TMEM50B: variants seen among roughly 807,000 people sequenced by gnomAD.
TMEM50B encodes the protein HCV p7-trans-regulated protein 3.
In TMEM50B, 14 loss-of-function variants were observed where a neutral mutation model predicts 23.4. The ratio of observed to expected loss-of-function variants is 0.60; its 90% confidence interval spans 0.39 to 0.93. The LOEUF is 0.93. Ranked by LOEUF, TMEM50B falls within the 40% of genes least tolerant of loss-of-function variation. The probability of loss-of-function intolerance (pLI) is 0.00; values close to 1 mark genes in which losing one functional copy is unlikely to be tolerated. For synonymous variants in TMEM50B, 64 were observed against 62.3 expected, an observed-to-expected ratio of 1.03 and a Z score of -0.13; for missense variants, 159 against 193.0, an observed-to-expected ratio of 0.82 and a Z score of 1.04.
downstream of TMEM50B, among the ~76,000 whole-genome samples, chr21:33,448,263 G>T (rs1261596211): frequency 2.0e-5 from 3 of 151,852 alleles, no homozygotes; most frequent in Non-Finnish European, 4.4e-5. Flanking sequence ...AAAGTGCTGG[G>T]ATTACAGGCG....
intron 7 of TMEM50B, among the ~76,000 whole-genome samples, chr21:33,442,656 C>G (rs559848740): frequency 1.3e-5 from 2 of 152,150 alleles, no homozygotes; most frequent in Non-Finnish European, 2.9e-5. Context: ...CGCGCTGGCT[C>G]ATGCCTGTAA....
chr21:33,436,508 C>T (rs778297834), intron 8 of TMEM50B, among the ~76,000 whole-genome samples: 1 of 151,992 alleles, frequency 6.6e-6, no homozygotes, highest in Non-Finnish European at 1.5e-5. Flanking sequence ...GGATCATTTG[C>T]GATCAGGAGT....
intron 1 of TMEM50B, among the ~76,000 whole-genome samples, chr21:33,470,392 T>C (rs1402910494): frequency 4.1e-5 from 5 of 121,338 alleles, no homozygotes; most frequent in African/African-American, 6.3e-5. Context: ...GCCACTGCAC[T>C]CTAGCCTGGG....
At chr21:33,477,962 C>G (rs917466558) in intron 1 of TMEM50B, among the ~76,000 whole-genome samples, 1 of 150,548 alleles carries the variant, frequency 6.6e-6, no homozygotes, top group Admixed American at 6.6e-5. Context: ...GGTGAAAACC[C>G]GTCTTTACTA....
chr21:33,466,220 C>T (rs1483469488), intron 3 of TMEM50B, among the ~76,000 whole-genome samples: 1 of 152,112 alleles, frequency 6.6e-6, no homozygotes, highest in Non-Finnish European at 1.5e-5. Context: ...AAGATCACAC[C>T]AGTGTGGTCC....
chr21:33,469,233 T>G (rs2084290852), intron 1 of TMEM50B, among the ~76,000 whole-genome samples: 1 of 152,090 alleles, frequency 6.6e-6, no homozygotes, highest in Non-Finnish European at 1.5e-5. Context: ...GCAGATCACT[T>G]GAGGCCAGGA....
intron 7 of TMEM50B, among the ~76,000 whole-genome samples, chr21:33,442,187 T>G (rs2084014347): frequency 6.6e-6 from 1 of 152,070 alleles, no homozygotes; most frequent in Non-Finnish European, 1.5e-5. Context: ...TGATGAGAAG[T>G]GAGACTCCAC....
chr21:33,436,860 G>T, intron 8 of TMEM50B: 1 of 1,614,060 alleles, frequency 6.2e-7, no homozygotes, highest in Non-Finnish European at 8.5e-7. Context: ...CCATCTTAGA[G>T]GCCTTGGACA....
At chr21:33,432,688 T>C in exon 9 of TMEM50B, 2 of 1,612,610 alleles carry the variant, frequency 1.2e-6, no homozygotes, top group South Asian at 1.1e-5. Flanking sequence ...AAGATCATTC[T>C]GTTCACTTTC....
intron 7 of TMEM50B, among the ~76,000 whole-genome samples, chr21:33,442,231 C>G (rs1478560170): frequency 6.6e-6 from 1 of 152,134 alleles, no homozygotes; most frequent in Non-Finnish European, 1.5e-5. Context: ...TCATGCCTCC[C>G]CACCCTTCAC....
intron 6 of TMEM50B, among the ~76,000 whole-genome samples, chr21:33,454,580 C>T (rs966306362): frequency 2.1e-4 from 32 of 152,260 alleles, no homozygotes; most frequent in African/African-American, 7.5e-4. Context: ...GGATTACAGA[C>T]ATGAGCCACC....
At position 33,440,907 on chromosome 21, in the gene TMEM50B, G is replaced by C. The variant is rs117455160; in HGVS notation, c.*2037-1610C>G. Among the ~76,000 whole-genome samples, 38 of 151,652 alleles carry C rather than the reference G, an allele frequency of 2.5e-4. No homozygotes were observed. The South Asian group carries it at 7.7e-3, about 31-fold the overall frequency. ...AAAAATAATAATAAAATAAAATAAC[G>C]TCTCTGTCCATAGTGTTTAAATCAC... On this transcript the variant is annotated intron_variant and NMD_transcript_variant, in intron 7 of 8. Coordinates refer to the TMEM50B transcript ENST00000420455.
chr21:33,463,301 A>G (rs1218916116), intron 4 of TMEM50B, among the ~76,000 whole-genome samples: 1 of 152,152 alleles, frequency 6.6e-6, no homozygotes, highest in Non-Finnish European at 1.5e-5. Context: ...CAAACAAAAT[A>G]AATACAAAAT....
intron 8 of TMEM50B, among the ~76,000 whole-genome samples, chr21:33,434,206 C>T (rs1049965515): frequency 7.2e-5 from 11 of 152,070 alleles, no homozygotes; most frequent in East Asian, 1.9e-4. Context: ...GGATCAGAGG[C>T]GAGCTGAGAG....
chr21:33,461,027 G>C (rs1381553305), intron 4 of TMEM50B, among the ~76,000 whole-genome samples: 1 of 152,154 alleles, frequency 6.6e-6, no homozygotes, highest in African/African-American at 2.4e-5. Context: ...TTCAAGATCA[G>C]AAGTATCTCT....
intron 4 of TMEM50B, among the ~76,000 whole-genome samples, chr21:33,460,837 A>T (rs1233854594): frequency 6.6e-6 from 1 of 152,246 alleles, no homozygotes; most frequent in Non-Finnish European, 1.5e-5. Flanking sequence ...GATAGCCATC[A>T]CCACATAGGA....
intron 5 of TMEM50B, among the ~76,000 whole-genome samples, chr21:33,456,981 G>A (rs1451441474): frequency 6.6e-6 from 1 of 152,184 alleles, no homozygotes; most frequent in African/African-American, 2.4e-5. Context: ...TAGGCTGGGT[G>A]TGGTGACTCA....
rs575310989 is a variant in TMEM50B, at chr21:33,478,739, C to G, written c.-42+1099G>C. The G allele has an allele frequency of 9.8e-4, 457 of 468,644 alleles. 1 individual carries two copies. The highest frequency in any genetic ancestry group is 1.4e-3 in the Non-Finnish European group (326 of 226,532). The allele number at this position is 468,644 out of a possible 1,614,324, so 29.0% of individuals were successfully genotyped here. On this transcript the variant is annotated intron_variant, in intron 1 of 6. Coordinates refer to ENST00000542230, the MANE Select transcript of TMEM50B (RefSeq NM_006134.7). ...GCATTTCAATAACAAAGTCTTGCAC[C>G]ACTATCTTCAGTTTAAAAAAAAAGT...
intron 6 of TMEM50B, among the ~76,000 whole-genome samples, chr21:33,451,331 G>A (rs554234745): frequency 1.4e-4 from 22 of 152,302 alleles, no homozygotes; most frequent in African/African-American, 5.1e-4. Context: ...AAGTGGCTAC[G>A]TACCAAGCAC....
Sources: allele counts gnomAD v4.1 joint callset (sites outside exome capture counted in the v4.1 genomes callset), GRCh38; gene constraint gnomAD v4.1.1; transcripts MANE v1.5; gene names NCBI Gene and HGNC (gene_info 2026-07-23, HGNC 2026-07-21).